Variants in ZNF584 observed in about 807,000 individuals in gnomAD.
ZNF584 encodes zinc finger protein 584.
ZNF584 carries 12 observed loss-of-function variants against 14.7 expected under a neutral mutation model. The observed-to-expected ratio is 0.82, with a 90% CI of 0.52 to 1.32. The LOEUF is 1.32. Among genes scored for constraint, ZNF584 ranks in the 40% most tolerant of loss-of-function variants. ZNF584 has a pLI of 0.00. For synonymous variants in ZNF584, 204 were observed against 190.9 expected, an observed-to-expected ratio of 1.07 and a Z score of -0.57; for missense variants, 478 against 518.8, an observed-to-expected ratio of 0.92 and a Z score of 0.76.
intron 2 of ZNF584, among the ~76,000 whole-genome samples, chr19:58,410,539 A>ATATATATATATATGTGTG (rs2052535655): frequency 2.6e-5 from 1 of 38,706 alleles, no homozygotes; most frequent in African/African-American, 1.3e-4. Flanking sequence ...ATATATATAT[A>ATATATATATATATGTGTG]TATATATATA....
intron 2 of ZNF584, among the ~76,000 whole-genome samples, chr19:58,414,816 GTTA>G (rs1261353206): frequency 6.6e-6 from 1 of 151,982 alleles, no homozygotes; most frequent in Non-Finnish European, 1.5e-5. Context: ...AATTACAATC[GTTA>G]TTATTGCTGA....
chr19:58,407,886 T>G (rs2052487792), upstream of ZNF584, among the ~76,000 whole-genome samples: 1 of 152,088 alleles, frequency 6.6e-6, no homozygotes, highest in Admixed American at 6.5e-5. Flanking sequence ...CACTCTCCTC[T>G]CCCAGGCCCC....
At chr19:58,407,635 G>A (rs3826677), upstream of ZNF584, among the ~76,000 whole-genome samples, 31,543 of 152,174 alleles carry the variant, frequency 0.21, 3,675 homozygotes, top group Non-Finnish European at 0.27. Context: ...GCTGGGGAGA[G>A]TTATGGTGCC....
chr19:58,405,238 T>C (rs1161019035), upstream of ZNF584: 231 of 83,334 alleles, frequency 2.8e-3, no homozygotes, highest in Middle Eastern at 0.01. Flanking sequence ...CCACCTCCCT[T>C]CCGGACAGGG....
At chr19:58,405,969 C>T (rs1458913615), upstream of ZNF584, 26 of 183,572 alleles carry the variant, frequency 1.4e-4, no homozygotes, top group South Asian at 1.1e-3. Flanking sequence ...GCTGCAATCT[C>T]GGCACTTTGG....
At position 58,417,107 on chromosome 19, in the gene ZNF584, A is replaced by C; in HGVS notation, c.589A>C (p.Lys197Gln). The change falls in exon 4 of 4, where the codon AAG becomes CAG. Residue 197 changes from lysine to glutamine, a missense_variant. Lys to Gln is a moderately conservative substitution (Grantham distance 53). This residue lies in a region of ZNF584 where 283 missense variants were observed against 317.3 expected (regional missense o/e 0.89). Coordinates refer to ENST00000306910, the MANE Select transcript of ZNF584 (RefSeq NM_173548.3). ...ATGCCCAACAGGCAGAAGTGCTTTC[A>C]AGAAGTCAGCTCATATTAACCCCCG... ...FRCPTGRSAF[K>Q]KSAHINPRKI... is the part of the protein sequence containing the mutation. 6.2e-7 allele frequency: 1 copy of C among 1,614,060 alleles called. No homozygotes were observed. The highest frequency in any genetic ancestry group is 1.3e-5 in the African/African-American group (1 of 75,064).
Position 58,415,625 on chromosome 19 carries a change from G to C in ZNF584, c.271G>C (p.Ala91Pro), listed in dbSNP as rs1279141273. Residue 91 changes from alanine (A) to proline (P), a missense_variant, in exon 3 of 4, where the codon GCC (alanine) becomes CCC (proline). Around this residue, in one of 3 missense-constraint regions of ZNF584, gnomAD observed 189 missense variants for 177.9 expected, o/e 1.06. Transcript: ENST00000306910. ...TGTGACTCCAGTCAGCAGAGCAGAA[G>C]CCAGGAGAGGTTTTGGTCTTGGTAA... The part of the protein sequence containing the change: ...VDVTPVSRAE[A>P]RRGFGLDGLC... 1 of 1,614,108 alleles carries C rather than the reference G, an allele frequency of 6.2e-7. No individual in the cohort carries two copies. Among genetic ancestry groups the C allele is most frequent in the Non-Finnish European group, 8.5e-7 (1 of 1,179,970 alleles).
upstream of ZNF584, among the ~76,000 whole-genome samples, chr19:58,407,607 A>G (rs991834732): frequency 6.6e-6 from 1 of 152,172 alleles, no homozygotes; most frequent in African/African-American, 2.4e-5. Context: ...AGAACAGAGG[A>G]AAAAAACCAG....
rs967547042 is a variant in ZNF584, at chr19:58,408,974, G to A, written c.-174G>A. 5.2e-6 allele frequency: 4 copies of A among 762,170 alleles called. No individual in the cohort carries two copies. Among genetic ancestry groups the A allele is most frequent in the South Asian group, 4.7e-5 (2 of 42,932 alleles). 47.2% of individuals were successfully genotyped at this position (762,170 alleles called of 1,614,324 possible). The stretch of plus-strand genomic sequence containing the variant: ...GGCGCCGTGGGTCTCCCGGGCCTCC[G>A]TACCGTCCTCCTTCCCAGCGGCTCC... On this transcript the variant is annotated 5_prime_UTR_variant, in exon 1 of 4. Transcript: ENST00000306910.
chr19:58,415,238 A>G (rs1024535922), intron 2 of ZNF584, among the ~76,000 whole-genome samples: 2 of 152,036 alleles, frequency 1.3e-5, no homozygotes, highest in Non-Finnish European at 2.9e-5. Flanking sequence ...TGCCCAGGCT[A>G]GAGTCCAATG....
intron 2 of ZNF584, among the ~76,000 whole-genome samples, chr19:58,414,148 T>C (rs1269944379): frequency 6.6e-6 from 1 of 152,048 alleles, no homozygotes; most frequent in Admixed American, 6.6e-5. Context: ...CCTCCCAAAG[T>C]ACTTGTAATT....
chr19:58,414,387 G>A (rs2052613703), intron 2 of ZNF584, among the ~76,000 whole-genome samples: 1 of 151,852 alleles, frequency 6.6e-6, no homozygotes, highest in Non-Finnish European at 1.5e-5. Flanking sequence ...CGCCCAGGCT[G>A]GAGTGCAGTG....
chr19:58,414,265 T>G (rs1444013437), intron 2 of ZNF584, among the ~76,000 whole-genome samples: 2 of 152,248 alleles, frequency 1.3e-5, no homozygotes, highest in Admixed American at 1.3e-4. Context: ...GATTTCTGTT[T>G]TAATTCATTT....
At chr19:58,413,504 C>T (rs2052601851) in intron 2 of ZNF584, among the ~76,000 whole-genome samples, 1 of 151,606 alleles carries the variant, frequency 6.6e-6, no homozygotes, top group Non-Finnish European at 1.5e-5. Flanking sequence ...TGCCACCATG[C>T]CTGGCTAATT....
rs112227426 is a variant in ZNF584 at position 58,417,221 on chromosome 19, G to T, written c.703G>T (p.Val235Phe). Residue 235 changes from valine (V) to phenylalanine (F), a missense_variant, in exon 4 of 4, where the codon GTT becomes TTT. Val to Phe is a conservative substitution (Grantham distance 50). Around this residue, in one of 3 missense-constraint regions of ZNF584, gnomAD observed 283 missense variants for 317.3 expected, o/e 0.89. Coordinates refer to ENST00000306910, the MANE Select transcript of ZNF584 (RefSeq NM_173548.3). ...GTCTAAGCTGAGGAAACACCAGAAG[G>T]TTCACACAGGCATAAAACCTTTTAA... ...YPSKLRKHQK[V>F]HTGIKPFKCS... 1.1e-5 allele frequency: 17 copies of T among 1,614,030 alleles called. 1 individual carries two copies. In the South Asian group the frequency reaches 1.8e-4, roughly 17 times the overall value.
intron 3 of ZNF584, chr19:58,416,070 G>A: frequency 8.9e-7 from 1 of 1,124,286 alleles, no homozygotes; most frequent in Non-Finnish European, 1.2e-6. Flanking sequence ...AGGCCCTGCT[G>A]AAACCCTTTG....
intron 1 of ZNF584, among the ~76,000 whole-genome samples, chr19:58,409,699 A>G (rs2052517609): frequency 6.6e-6 from 1 of 152,152 alleles, no homozygotes; most frequent in African/African-American, 2.4e-5. Flanking sequence ...TGGGCTGGAC[A>G]CAGTTTCCAG....
intron 2 of ZNF584, among the ~76,000 whole-genome samples, chr19:58,413,665 T>C (rs1320971052): frequency 6.9e-6 from 1 of 144,800 alleles, no homozygotes; most frequent in Non-Finnish European, 1.5e-5. Flanking sequence ...GGCTAATTTT[T>C]GTATTTTTTT....
intron 1 of ZNF584, among the ~76,000 whole-genome samples, chr19:58,401,979 G>A (rs2052434680): frequency 6.7e-6 from 1 of 150,016 alleles, no homozygotes; most frequent in South Asian, 2.1e-4. Flanking sequence ...TGAGGCAGGA[G>A]AATCGCTTGA....
Sources: gnomAD v4.1 joint callset for allele counts (sites outside exome capture counted in the v4.1 genomes callset) on GRCh38, gnomAD v4.1.1 for gene constraint, gnomAD v4.1.1 regional missense constraint, MANE v1.5 for transcripts, NCBI Gene and HGNC (gene_info 2026-07-23, HGNC 2026-07-21) for gene names.